Variants in EBF1 observed in about 807,000 individuals in gnomAD.
The protein encoded by EBF1 is transcription factor COE1.
In EBF1, 10 loss-of-function variants were observed where a neutral mutation model predicts 68.4. The observed-to-expected ratio is 0.15, with a 90% confidence interval of 0.09 to 0.25. The LOEUF is 0.25. EBF1 is among the 10% of genes least tolerant of loss of function. The pLI is 1.00. For synonymous variants in EBF1, 298 were observed against 299.8 expected (o/e 0.99, Z 0.06); for missense variants, 509 against 794.4 (o/e 0.64, Z 4.32).
At chr5:158,931,022 G>T (rs1181050115) in intron 6 of EBF1, among the ~76,000 whole-genome samples, 1 of 152,178 alleles carries the variant, frequency 6.6e-6, no homozygotes, top group Non-Finnish European at 1.5e-5. Flanking sequence ...TATAAGCAAT[G>T]CTTTGCTGAA....
intron 10 of EBF1, among the ~76,000 whole-genome samples, chr5:158,746,379 G>T (rs977411985): frequency 2.6e-5 from 4 of 152,162 alleles, no homozygotes; most frequent in Non-Finnish European, 4.4e-5. Context: ...TGGGGAGGAT[G>T]AAAGAATTTT....
At chr5:158,956,134 A>G (rs1452227423) in intron 6 of EBF1, among the ~76,000 whole-genome samples, 1 of 151,608 alleles carries the variant, frequency 6.6e-6, no homozygotes, top group Non-Finnish European at 1.5e-5. Flanking sequence ...CAAAGGCAAG[A>G]TTTGAACCCA....
chr5:158,894,197 G>T (rs1801735388), intron 6 of EBF1, among the ~76,000 whole-genome samples: 1 of 152,052 alleles, frequency 6.6e-6, no homozygotes. Flanking sequence ...AGTATTGATT[G>T]CATCATGAAA....
chr5:158,882,452 GGTA>G (rs1191807088), intron 6 of EBF1, among the ~76,000 whole-genome samples: 1 of 152,136 alleles, frequency 6.6e-6, no homozygotes, highest in Non-Finnish European at 1.5e-5. Context: ...CTAGATGCCA[GGTA>G]CTCAACCAGC....
chr5:159,042,781 C>G (rs1195412173), intron 6 of EBF1, among the ~76,000 whole-genome samples: 1 of 151,510 alleles, frequency 6.6e-6, no homozygotes, highest in African/African-American at 2.4e-5. Context: ...TTGTTAAGTT[C>G]TGTAGAGTGT....
chr5:158,727,218 T>C (rs1763177151), intron 11 of EBF1, among the ~76,000 whole-genome samples: 1 of 152,106 alleles, frequency 6.6e-6, no homozygotes, highest in Non-Finnish European at 1.5e-5. Flanking sequence ...ATTCCTTGCT[T>C]CCTAGGATTC....
intron 10 of EBF1, among the ~76,000 whole-genome samples, chr5:158,750,239 T>C (rs1438831261): frequency 6.6e-6 from 1 of 152,182 alleles, no homozygotes; most frequent in East Asian, 1.9e-4. Context: ...AGATATTTCC[T>C]GAAATATCAG....
chr5:158,901,466 A>T (rs1356069761), intron 6 of EBF1, among the ~76,000 whole-genome samples: 13 of 152,226 alleles, frequency 8.5e-5, no homozygotes, highest in Admixed American at 5.9e-4. Context: ...GAATGAATAT[A>T]TCTGTGCCTT....
intron 6 of EBF1, among the ~76,000 whole-genome samples, chr5:158,939,772 C>A (rs1373697382): frequency 6.6e-6 from 1 of 151,936 alleles, no homozygotes; most frequent in Admixed American, 6.6e-5. Context: ...GGGGAGGCTG[C>A]GAGGTAGCTC....
intron 7 of EBF1, among the ~76,000 whole-genome samples, chr5:158,834,731 ATCAACAACCTTTCTTATG>A (rs1312124531): frequency 6.6e-6 from 1 of 152,196 alleles, no homozygotes; most frequent in Non-Finnish European, 1.5e-5. Flanking sequence ...ATGTCAAGAG[ATCAACAACCTTTCTTATG>A]TCCTCCTCAG....
At chr5:158,986,461 AG>A in intron 6 of EBF1, 1 of 152,348 alleles carries the variant, frequency 6.6e-6, no homozygotes, top group Non-Finnish European at 1.5e-5. Context: ...CCCCAGGTAA[AG>A]AGAGCAGCTA....
intron 8 of EBF1, among the ~76,000 whole-genome samples, chr5:158,822,943 C>A (rs1459603446): frequency 6.6e-6 from 1 of 152,166 alleles, no homozygotes; most frequent in Non-Finnish European, 1.5e-5. Context: ...GCAATATCAG[C>A]CATTTCCAGA....
At chr5:158,773,721 T>A (rs1451959926) in intron 10 of EBF1, among the ~76,000 whole-genome samples, 1 of 152,106 alleles carries the variant, frequency 6.6e-6, no homozygotes, top group African/African-American at 2.4e-5. Context: ...ACAAAAACTT[T>A]GAGGAAGCAG....
chr5:158,730,636 T>C lies in EBF1; in HGVS notation c.1125+433A>G, dbSNP rs1248391920. Among the ~76,000 whole-genome samples the C allele has an allele frequency of 2.0e-5, 3 of 152,244 alleles. No homozygotes were observed. The East Asian group carries it at 5.8e-4, about 29-fold the overall frequency. On this transcript the variant is annotated intron_variant, in intron 11 of 15. Transcript: ENST00000313708. ...TCTTGCCAGGACTAAGTACGGATCCTCGTAGACAGAAATTTGGTGCTGCTT... is the reference window on the plus strand; with the variant it reads ...TCTTGCCAGGACTAAGTACGGATCCCCGTAGACAGAAATTTGGTGCTGCTT...
At chr5:159,068,966 G>C (rs1317267994) in intron 6 of EBF1, among the ~76,000 whole-genome samples, 1 of 151,902 alleles carries the variant, frequency 6.6e-6, no homozygotes, top group East Asian at 1.9e-4. Flanking sequence ...CATAGATACA[G>C]GAATTCTTAA....
chr5:158,841,238 CTGAGT>C (rs1393095712), intron 6 of EBF1, among the ~76,000 whole-genome samples: 1 of 152,176 alleles, frequency 6.6e-6, no homozygotes, highest in Non-Finnish European at 1.5e-5. Flanking sequence ...CTATAACTTT[CTGAGT>C]TATTTCTTAT....
intron 4 of EBF1, among the ~76,000 whole-genome samples, chr5:159,095,362 C>T (rs1473699764): frequency 6.6e-6 from 1 of 152,168 alleles, no homozygotes; most frequent in African/African-American, 2.4e-5. Flanking sequence ...CCCTTTTTCT[C>T]GCCACTCAGC....
intron 6 of EBF1, among the ~76,000 whole-genome samples, chr5:158,930,871 A>G (rs1318208851): frequency 6.6e-6 from 1 of 150,440 alleles, no homozygotes; most frequent in Non-Finnish European, 1.5e-5. Context: ...GTCTCCTTTA[A>G]TTTTCTCAGG....
chr5:158,972,780 C>T (rs1336502142), intron 6 of EBF1, among the ~76,000 whole-genome samples: 4 of 152,178 alleles, frequency 2.6e-5, no homozygotes, highest in African/African-American at 7.2e-5. Context: ...CCTTGGGCAG[C>T]GCCACCTGCT....
Sources: allele counts gnomAD v4.1 joint callset (sites outside exome capture counted in the v4.1 genomes callset), GRCh38; gene constraint gnomAD v4.1.1; transcripts MANE v1.5; gene names NCBI Gene and HGNC (gene_info 2026-07-23, HGNC 2026-07-21).